Variants in USP47 observed in about 807,000 individuals in gnomAD.
The protein encoded by USP47 is ubiquitin carboxyl-terminal hydrolase 47.
Under a neutral mutation model 165.1 loss-of-function variants are expected in USP47, and 35 were observed. That is an observed-to-expected ratio of 0.21 (90% CI 0.16 to 0.28). USP47 has a LOEUF of 0.28. USP47 is among the 10% of genes least tolerant of loss of function. USP47 has a pLI of 1.00. For missense variants in USP47, 1,277 were observed against 1,607.4 expected (o/e 0.79, Z 3.52); for synonymous variants, 531 against 544.5 (o/e 0.98, Z 0.35).
At chr11:11,905,240 AAT>A (rs980813159) in intron 7 of USP47, among the ~76,000 whole-genome samples, 157 bp from the exon 8 acceptor site, 21 of 150,434 alleles carry the variant, frequency 1.4e-4, no homozygotes, top group Non-Finnish European at 2.7e-4. Context: ...AATATTACAT[AAT>A]ATATAATAAT....
At chr11:11,899,210 GCA>G (rs1335107312) in intron 5 of USP47, among the ~76,000 whole-genome samples, 1 of 152,164 alleles carries the variant, frequency 6.6e-6, no homozygotes, top group Non-Finnish European at 1.5e-5. Flanking sequence ...CTCAAAACTA[GCA>G]CAGACCAGAT....
chr11:11,949,538 A>T (rs1332143413), intron 22 of USP47, among the ~76,000 whole-genome samples: 1 of 152,170 alleles, frequency 6.6e-6, no homozygotes, highest in Non-Finnish European at 1.5e-5. Flanking sequence ...GAGAATTAGT[A>T]TACATTTCCC....
intron 16 of USP47, among the ~76,000 whole-genome samples, chr11:11,934,588 G>A (rs1359642806): frequency 1.3e-5 from 2 of 152,134 alleles, no homozygotes; most frequent in African/African-American, 4.8e-5. Context: ...AAAGTGCTGA[G>A]GTGAGGAGAT....
intron 1 of USP47, chr11:11,873,748 C>T (rs1590270695): frequency 7.2e-6 from 8 of 1,113,094 alleles, no homozygotes; most frequent in South Asian, 4.4e-5. Context: ...CTGTCTTTTC[C>T]CTTTATTTTA....
chr11:11,864,437 A>T (rs1849557464), intron 1 of USP47, among the ~76,000 whole-genome samples: 1 of 152,158 alleles, frequency 6.6e-6, no homozygotes, highest in African/African-American at 2.4e-5. Context: ...GGTACTAAGT[A>T]CATTCTTATT....
chr11:11,848,710 A>G (rs1204395403), intron 1 of USP47, among the ~76,000 whole-genome samples: 1 of 150,966 alleles, frequency 6.6e-6, no homozygotes, highest in Non-Finnish European at 1.5e-5. Flanking sequence ...CCCGGGTTCA[A>G]GCGATTCTCC....
At chr11:11,934,174 A>T (rs1250763042) in intron 16 of USP47, among the ~76,000 whole-genome samples, 1 of 152,118 alleles carries the variant, frequency 6.6e-6, no homozygotes, top group East Asian at 1.9e-4. Flanking sequence ...AAAATTAGGA[A>T]CAGAATGTTT....
At chr11:11,856,029 T>C (rs1451774027) in intron 1 of USP47, among the ~76,000 whole-genome samples, 1 of 152,188 alleles carries the variant, frequency 6.6e-6, no homozygotes, top group Non-Finnish European at 1.5e-5. Flanking sequence ...GATTATTATG[T>C]AGAGAAGGAG....
At chr11:11,927,225 G>A (rs1854314637) in intron 11 of USP47, among the ~76,000 whole-genome samples, 1 of 141,352 alleles carries the variant, frequency 7.1e-6, no homozygotes, top group Non-Finnish European at 1.6e-5. Flanking sequence ...CTCCCCTGAA[G>A]ATTTTTTTGT....
At chr11:11,886,628 T>C (rs77320004) in intron 3 of USP47, among the ~76,000 whole-genome samples, 1 of 152,136 alleles carries the variant, frequency 6.6e-6, no homozygotes, top group Admixed American at 6.5e-5. Flanking sequence ...TTGGGATACC[T>C]GAAGGAGACA....
At chr11:11,929,228 G>A (rs969755904) in intron 11 of USP47, among the ~76,000 whole-genome samples, 1 of 152,110 alleles carries the variant, frequency 6.6e-6, no homozygotes, top group Non-Finnish European at 1.5e-5. Context: ...ATGTGGAAGA[G>A]TGCACTGATG....
At chr11:11,870,747 T>G (rs1208368678) in intron 1 of USP47, among the ~76,000 whole-genome samples, 1 of 152,248 alleles carries the variant, frequency 6.6e-6, no homozygotes, top group Non-Finnish European at 1.5e-5. Flanking sequence ...CCCGCTTTTC[T>G]GTTCTTTCTC....
chr11:11,929,322 TA>T (rs1411844487), intron 11 of USP47, 111 bp from the exon 12 acceptor site: 4 of 1,437,836 alleles, frequency 2.8e-6, no homozygotes, highest in Non-Finnish European at 3.7e-6. Flanking sequence ...ACCTGTAATA[TA>T]TAGGACAACT....
intron 3 of USP47, among the ~76,000 whole-genome samples, chr11:11,889,049 C>T (rs1851348161): frequency 1.3e-5 from 2 of 152,054 alleles, no homozygotes; most frequent in South Asian, 4.1e-4. Context: ...AAGGAATATA[C>T]TCAAAATAGC....
chr11:11,911,228 TG>T (rs1270020334), intron 8 of USP47, among the ~76,000 whole-genome samples: 1 of 152,154 alleles, frequency 6.6e-6, no homozygotes, highest in Non-Finnish European at 1.5e-5. Flanking sequence ...CAAGGACTTA[TG>T]GGACTATAAC....
intron 1 of USP47, among the ~76,000 whole-genome samples, chr11:11,867,182 C>G (rs1437363673): frequency 6.6e-6 from 1 of 152,182 alleles, no homozygotes; most frequent in African/African-American, 2.4e-5. Context: ...TAGGCGTGAG[C>G]CGCTGTGCCT....
At position 11,906,991 on chromosome 11, in the gene USP47, CATTTA is replaced by C; in HGVS notation, c.969+1449_969+1453del. Among the ~76,000 whole-genome samples, 2 of 152,122 alleles carry C rather than the reference CATTTA, an allele frequency of 1.3e-5. 1 individual carries two copies. The highest frequency in any genetic ancestry group is 4.2e-4 in the South Asian group (2 of 4,816). ...TTTTATGAAAATTTTTCCATATATACATTTAATTTAGTTTTTAACATATTAATTGA... is the reference window on the plus strand; with the variant it reads ...TTTTATGAAAATTTTTCCATATATACATTTAGTTTTTAACATATTAATTGA... On this transcript the variant is annotated intron_variant, in intron 8 of 27. Coordinates refer to ENST00000527733, the MANE Select transcript of USP47 (RefSeq NM_001282659.2).
At chr11:11,905,600 A>T in intron 8 of USP47, 52 bp downstream of exon 8, 1 of 1,511,342 alleles carries the variant, frequency 6.6e-7, no homozygotes, top group Non-Finnish European at 9.0e-7. Context: ...AATACATAAT[A>T]GCACAGTGGT....
chr11:11,920,378 T>C lies in USP47; in HGVS notation c.1102T>C (p.Leu368=), dbSNP rs755922611. The C allele has an allele frequency of 6.2e-7, 1 of 1,610,942 alleles. No individual in the cohort carries two copies. Among genetic ancestry groups the C allele is most frequent in the Non-Finnish European group, 8.5e-7 (1 of 1,178,294 alleles). The change falls in exon 10 of 28, where the codon TTA becomes CTA. Residue 368 remains leucine, a synonymous_variant. Transcript: ENST00000527733. ...RFLHFPYLLT[L]QLKRFDFDYT... is the part of the protein sequence containing the mutation. Reference sequence around the variant, plus strand: ...TTTGCATTTTCCTTATCTGCTGACCTTACAGCTGAAAAGATTCGATTTTGA... The same window carrying C: ...TTTGCATTTTCCTTATCTGCTGACCCTACAGCTGAAAAGATTCGATTTTGA...
Sources: gnomAD v4.1 joint callset for allele counts (sites outside exome capture counted in the v4.1 genomes callset) on GRCh38, gnomAD v4.1.1 for gene constraint, MANE v1.5 for transcripts, NCBI Gene and HGNC (gene_info 2026-07-23, HGNC 2026-07-21) for gene names.